Variants in SEMA3E observed in about 807,000 individuals in gnomAD.
The protein encoded by SEMA3E is semaphorin 3E.
In SEMA3E, 49 loss-of-function variants were observed where a neutral mutation model predicts 93.6. The observed-to-expected ratio is 0.52, with a 90% CI of 0.42 to 0.66. The LOEUF is 0.66. Ranked by LOEUF, SEMA3E falls within the 30% of genes least tolerant of loss-of-function variation. The pLI is 0.00. For missense variants in SEMA3E, 906 were observed against 964.8 expected, an observed-to-expected ratio of 0.94 and a Z score of 0.81; for synonymous variants, 363 against 330.7, an observed-to-expected ratio of 1.10 and a Z score of -1.06.
chr7:83,369,615 G>A (rs6971201), intron 16 of SEMA3E, among the ~76,000 whole-genome samples: 3,764 of 152,200 alleles, frequency 0.025, 157 homozygotes, highest in African/African-American at 0.086. Context: ...TAGGCAGAAT[G>A]CTGTAGCCAT....
In SEMA3E at chr7:83,554,414, G is replaced by A. The variant is rs548702405; in HGVS notation, c.116-64140C>T. Among the ~76,000 whole-genome samples the A allele has an allele frequency of 1.9e-3, 288 of 152,210 alleles. 1 individual carries two copies. Among genetic ancestry groups the A allele is most frequent in the Non-Finnish European group, 3.5e-3 (236 of 68,024 alleles). On this transcript the variant is annotated intron_variant, in intron 1 of 16. Coordinates refer to ENST00000643230, the MANE Select transcript of SEMA3E (RefSeq NM_012431.3). ...AGCACTCGTATTCCTCCAGGCCTTT[G>A]GGTAAAGATACGTGCACGCAATACT...
chr7:83,562,810 A>C (rs898488118), intron 1 of SEMA3E, among the ~76,000 whole-genome samples: 7 of 152,110 alleles, frequency 4.6e-5, no homozygotes, highest in Admixed American at 2.0e-4. Context: ...ATCTCCAAAA[A>C]AGGAGAGAGA....
intron 1 of SEMA3E, among the ~76,000 whole-genome samples, chr7:83,622,169 A>G (rs1345394567): frequency 6.6e-6 from 1 of 152,090 alleles, no homozygotes; most frequent in East Asian, 1.9e-4. Context: ...AAAAGTGGGC[A>G]AAGGACATGA....
At chr7:83,621,100 C>T (rs1196784924) in intron 1 of SEMA3E, among the ~76,000 whole-genome samples, 1 of 152,016 alleles carries the variant, frequency 6.6e-6, no homozygotes, top group Non-Finnish European at 1.5e-5. Flanking sequence ...ACAATCCTAC[C>T]ATCTCAGCTG....
intron 2 of SEMA3E, among the ~76,000 whole-genome samples, chr7:83,475,903 T>A (rs997170870): frequency 6.6e-6 from 1 of 152,236 alleles, no homozygotes; most frequent in Non-Finnish European, 1.5e-5. Flanking sequence ...ACAAAACTAT[T>A]CTTTCAGGTG....
At chr7:83,589,528 A>C (rs2115939788) in intron 1 of SEMA3E, among the ~76,000 whole-genome samples, 1 of 152,316 alleles carries the variant, frequency 6.6e-6, no homozygotes, top group South Asian at 2.1e-4. Flanking sequence ...TGAGCCATAA[A>C]GTAGACATAG....
chr7:83,372,091 C>T (rs909100276), intron 16 of SEMA3E: 14 of 391,038 alleles, frequency 3.6e-5, no homozygotes, highest in African/African-American at 1.0e-4. Flanking sequence ...AAAATGAGAA[C>T]ATACTAATTC....
chr7:83,458,973 G>GTATATA (rs71074661), intron 4 of SEMA3E, among the ~76,000 whole-genome samples: 2,197 of 140,570 alleles, frequency 0.016, 15 homozygotes, highest in Admixed American at 0.029. Context: ...GTGTGTGTGT[G>GTATATA]TATATATATA....
intron 10 of SEMA3E, 84 bp from the exon 11 acceptor site, chr7:83,400,334 A>C (rs1265714125): frequency 7.8e-7 from 1 of 1,275,268 alleles, no homozygotes; most frequent in African/African-American, 1.5e-5. Flanking sequence ...GAATCAGAAA[A>C]ATTGAAGTTG....
Position 83,390,158 on chromosome 7 carries a change from CATATATGCGCGTATACGT to C in SEMA3E, c.1667+2379_1667+2396del, listed in dbSNP as rs1787986245. Among the ~76,000 whole-genome samples, 2 of 16,244 alleles carry C rather than the reference CATATATGCGCGTATACGT, an allele frequency of 1.2e-4. 1 individual carries two copies. Among genetic ancestry groups the C allele is most frequent in the Non-Finnish European group, 2.5e-4 (2 of 7,908 alleles). 10.7% of individuals were successfully genotyped at this position (16,244 alleles called of 152,430 possible). ...ACATATATGCGCGTATACGTGTGCA[CATATATGCGCGTATACGT>C]GTGCACATATATGCGCGTATACGTG... On this transcript the variant is annotated intron_variant, in intron 14 of 16. Coordinates refer to ENST00000643230, the MANE Select transcript of SEMA3E (RefSeq NM_012431.3).
chr7:83,532,313 C>A (rs1030470655), intron 1 of SEMA3E, among the ~76,000 whole-genome samples: 3 of 152,138 alleles, frequency 2.0e-5, no homozygotes, highest in African/African-American at 7.2e-5. Context: ...ACTGTCTTTC[C>A]TGTCCAGAAC....
chr7:83,589,355 C>T (rs1250355127), intron 1 of SEMA3E, among the ~76,000 whole-genome samples: 2 of 152,022 alleles, frequency 1.3e-5, no homozygotes, highest in African/African-American at 4.8e-5. Flanking sequence ...GTATAATTAT[C>T]TATGAGATTA....
At chr7:83,417,302 T>G (rs907836223) in intron 5 of SEMA3E, among the ~76,000 whole-genome samples, 1 of 152,036 alleles carries the variant, frequency 6.6e-6, no homozygotes, top group African/African-American at 2.4e-5. Flanking sequence ...GGGAATAGAA[T>G]GCAAGACCCA....
chr7:83,594,864 T>C (rs1792834246), intron 1 of SEMA3E, among the ~76,000 whole-genome samples: 2 of 151,970 alleles, frequency 1.3e-5, no homozygotes, highest in Admixed American at 1.3e-4. Context: ...ATGATTCACT[T>C]TGCATCTGCA....
rs139876712 is a variant in SEMA3E at position 83,446,820 on chromosome 7, AAATGAG to A, written c.456+19656_456+19661del. Among the ~76,000 whole-genome samples the A allele has an allele frequency of 4.1e-3, 626 of 152,314 alleles. 5 individuals are homozygous for A. Among genetic ancestry groups the A allele is most frequent in the African/African-American group, 0.014 (565 of 41,576 alleles). ...TCATTTCTTCCTTTTTTCATTTGTT[AAATGAG>A]AATAACATTTAACACTCCCTTGTGA... On this transcript the variant is annotated intron_variant, in intron 4 of 16. Transcript: ENST00000643230.
Position 83,449,779 on chromosome 7 carries a change from TC to T in SEMA3E, c.456+16702del, listed in dbSNP as rs1196745994. Among the ~76,000 whole-genome samples, 424 of 152,322 alleles carry T rather than the reference TC, an allele frequency of 2.8e-3. 2 individuals are homozygous for T. The highest frequency in any genetic ancestry group is 8.5e-3 in the African/African-American group (353 of 41,576). On this transcript the variant is annotated intron_variant, in intron 4 of 16. Transcript: ENST00000643230. ...CATTATACACATATAAATCAACTAC[TC>T]TCTACTGTTTCCTCCCAATTTTATT...
chr7:83,523,204 A>G (rs2115694368), intron 1 of SEMA3E, among the ~76,000 whole-genome samples: 1 of 152,168 alleles, frequency 6.6e-6, no homozygotes. Flanking sequence ...TATTATAATT[A>G]TGGTATTAAG....
intron 15 of SEMA3E, among the ~76,000 whole-genome samples, 169 bp downstream of exon 15, chr7:83,386,814 T>C (rs1041883686): frequency 6.6e-6 from 1 of 152,202 alleles, no homozygotes; most frequent in Admixed American, 6.6e-5. Context: ...AGGTAAAAAT[T>C]AGTCAAATTT....
chr7:83,500,833 C>G (rs547193119), intron 1 of SEMA3E, among the ~76,000 whole-genome samples: 1 of 152,124 alleles, frequency 6.6e-6, no homozygotes, highest in East Asian at 1.9e-4. Flanking sequence ...TCAAGTGATC[C>G]ACCTGCCTCG....
Sources: gnomAD v4.1 joint callset for allele counts (sites outside exome capture counted in the v4.1 genomes callset) on GRCh38, gnomAD v4.1.1 for gene constraint, MANE v1.5 for transcripts, NCBI Gene and HGNC (gene_info 2026-07-23, HGNC 2026-07-21) for gene names.